CNDP1: variants seen among roughly 807,000 people sequenced by gnomAD.
The protein encoded by CNDP1 is carnosine dipeptidase 1.
CNDP1 carries 44 observed loss-of-function variants against 58.1 expected under a neutral mutation model. The observed-to-expected ratio is 0.76, with a 90% CI of 0.60 to 0.97. The LOEUF (loss-of-function observed/expected upper bound fraction) is 0.97, where lower values mean the gene tolerates loss of function less well. CNDP1 is among the 50% of genes least tolerant of loss of function. The pLI is 0.00. For missense variants in CNDP1, 616 were observed against 655.1 expected (o/e 0.94, Z 0.65); for synonymous variants, 254 against 252.6 (o/e 1.01, Z -0.05).
At chr18:74,535,530 C>G (rs1249834503) in intron 1 of CNDP1, among the ~76,000 whole-genome samples, 2 of 149,700 alleles carry the variant, frequency 1.3e-5, no homozygotes, top group African/African-American at 5.0e-5. Context: ...AATCACTGCT[C>G]TGAGAGAAAG....
rs147117351 is a variant in CNDP1 at position 74,556,404 on chromosome 18, C to A, written c.91C>A (p.Pro31Thr). 346 of 1,614,098 alleles carry A rather than the reference C, an allele frequency of 2.1e-4. 2 individuals carry two copies. In the South Asian group the frequency reaches 3.5e-3, roughly 16 times the overall value. The change falls in exon 2 of 12, where the codon CCC (proline) becomes ACC (threonine). Residue 31 changes from proline (P) to threonine (T), a missense_variant. Transcript: ENST00000358821. ...CGGCATGTTCTCCTCACCCTCCCCGCCCCCGGCGCTGTTAGAGAAAGTCTT... is the reference window on the plus strand; with the variant it reads ...CGGCATGTTCTCCTCACCCTCCCCGACCCCGGCGCTGTTAGAGAAAGTCTT... ...ERGMFSSPSP[P>T]PALLEKVFQY...
intron 1 of CNDP1, among the ~76,000 whole-genome samples, chr18:74,541,435 A>G (rs1980622059): frequency 6.6e-6 from 1 of 152,116 alleles, no homozygotes; most frequent in Admixed American, 6.6e-5. Context: ...AGCTGATGGT[A>G]TCTGGAGGGT....
intron 1 of CNDP1, among the ~76,000 whole-genome samples, chr18:74,539,600 C>T (rs1980566541): frequency 6.6e-6 from 1 of 152,176 alleles, no homozygotes; most frequent in Admixed American, 6.5e-5. Context: ...TGCACATGGG[C>T]CCCCAAGCAC....
intron 7 of CNDP1, among the ~76,000 whole-genome samples, chr18:74,572,092 A>G (rs552405068): frequency 3.4e-4 from 51 of 152,234 alleles, no homozygotes; most frequent in African/African-American, 1.2e-3. Flanking sequence ...TGTCAGCACC[A>G]CTTGGCTTCA....
intron 5 of CNDP1, among the ~76,000 whole-genome samples, chr18:74,564,199 T>A (rs1363172995): frequency 6.6e-6 from 1 of 152,240 alleles, no homozygotes; most frequent in Non-Finnish European, 1.5e-5. Flanking sequence ...GATTACAGTG[T>A]GTGCGGTGTC....
At chr18:74,559,256 C>CCTTCG in intron 2 of CNDP1, 67 bp from the exon 3 acceptor site, 1 of 1,547,858 alleles carries the variant, frequency 6.5e-7, no homozygotes, top group South Asian at 1.1e-5. Context: ...TCCTGCCCTC[C>CCTTCG]CTTCGCTCCC....
intron 7 of CNDP1, among the ~76,000 whole-genome samples, chr18:74,572,678 T>C (rs777314714): frequency 6.0e-5 from 9 of 151,004 alleles, no homozygotes; most frequent in Non-Finnish European, 1.0e-4. Flanking sequence ...GTCCCAGCTA[T>C]TTAAGGGGCT....
chr18:74,561,106 G>A, intron 4 of CNDP1, 88 bp downstream of exon 4: 1 of 1,499,768 alleles, frequency 6.7e-7, no homozygotes, highest in Non-Finnish European at 9.0e-7. Context: ...TGGGTTTTGG[G>A]TCTCTCCCTG....
chr18:74,555,323 C>A (rs1209744750), intron 1 of CNDP1, among the ~76,000 whole-genome samples: 1 of 152,122 alleles, frequency 6.6e-6, no homozygotes, highest in African/African-American at 2.4e-5. Flanking sequence ...TAGCCAAGAA[C>A]CTGACGTAGG....
rs1329112375 is a variant in CNDP1, at chr18:74,551,315, A to G, written c.25-5023A>G. On this transcript the variant is annotated intron_variant, in intron 1 of 11. Coordinates refer to ENST00000358821, the MANE Select transcript of CNDP1 (RefSeq NM_032649.6). ...ACAGGCATTTCTTTATAGCAATACA[A>G]GAATAGCCTAATACAGATAACTAGT... Among the ~76,000 whole-genome samples, 4 of 151,758 alleles carry G rather than the reference A, an allele frequency of 2.6e-5. No individual in the cohort carries two copies. In the East Asian group the frequency reaches 7.7e-4, roughly 29 times the overall value.
At chr18:74,539,821 T>C (rs1980573886) in intron 1 of CNDP1, among the ~76,000 whole-genome samples, 1 of 152,144 alleles carries the variant, frequency 6.6e-6, no homozygotes, top group African/African-American at 2.4e-5. Context: ...TATCAGCCAG[T>C]TCCAACAATT....
chr18:74,581,902 C>A (rs1027547723), intron 10 of CNDP1, among the ~76,000 whole-genome samples: 1 of 152,184 alleles, frequency 6.6e-6, no homozygotes, highest in Non-Finnish European at 1.5e-5. Flanking sequence ...AGGCCTGAGG[C>A]CACATTGGCT....
At chr18:74,582,575 C>T (rs950769356) in intron 10 of CNDP1, among the ~76,000 whole-genome samples, 1 of 152,066 alleles carries the variant, frequency 6.6e-6, no homozygotes, top group African/African-American at 2.4e-5. Context: ...TTGTGTCGTG[C>T]CAAAAATGCA....
Position 74,586,053 on chromosome 18 carries a change from A to G in CNDP1, c.*1491A>G, listed in dbSNP as rs970905152. ...CATTTGCGTTCAACTTTTTTCCATC[A>G]CTCTGTTGGTTCTTGAGATGTCAGT... is the stretch of plus-strand genomic sequence containing the variant. On this transcript the variant is annotated 3_prime_UTR_variant, in exon 12 of 12. Coordinates refer to ENST00000358821, the MANE Select transcript of CNDP1 (RefSeq NM_032649.6). The G allele has an allele frequency of 1.0e-4, 15 of 149,348 alleles. No homozygotes were observed. Among genetic ancestry groups the G allele is most frequent in the African/African-American group, 3.7e-4 (15 of 40,468 alleles). The allele number at this position is 149,348 out of a possible 1,614,324, so 9.3% of individuals were successfully genotyped here.
At chr18:74,576,778 C>A in intron 7 of CNDP1, 91 bp from the exon 8 acceptor site, 1 of 1,247,058 alleles carries the variant, frequency 8.0e-7, no homozygotes, top group Non-Finnish European at 1.1e-6. Context: ...CCTGCTGCAA[C>A]CCTGAAGAGT....
chr18:74,559,275 G>A (rs1981122886), intron 2 of CNDP1, 48 bp from the exon 3 acceptor site: 5 of 1,605,888 alleles, frequency 3.1e-6, no homozygotes, highest in Non-Finnish European at 4.3e-6. Context: ...CCCCCGCAGA[G>A]CAGATGTGGG....
intron 6 of CNDP1, among the ~76,000 whole-genome samples, chr18:74,570,730 G>A (rs1179730653): frequency 6.6e-6 from 1 of 152,202 alleles, no homozygotes; most frequent in Non-Finnish European, 1.5e-5. Flanking sequence ...AGAGGTGGAG[G>A]AAGAAGAGAT....
In CNDP1 at chr18:74,577,371, C is replaced by T. The variant is rs772000555; in HGVS notation, c.1002+342C>T. 109 of 174,900 alleles carry T rather than the reference C, an allele frequency of 6.2e-4. 3 individuals are homozygous for T. The highest frequency in any genetic ancestry group is 3.8e-4 in the Non-Finnish European group (32 of 83,540). 10.8% of individuals were successfully genotyped at this position (174,900 alleles called of 1,614,324 possible). A position where few individuals can be genotyped will look rare whatever the true frequency, so the allele number is the denominator to read the frequency against. ...TACCTTTTCAAAGACCAAGAAAAGT[C>T]TGAGATGATTCCAGCTCCAAGACCT... On this transcript the variant is annotated intron_variant, in intron 8 of 11. Transcript: ENST00000358821.
At chr18:74,584,382 A>G in intron 11 of CNDP1, 114 bp from the exon 12 acceptor site, 1 of 732,932 alleles carries the variant, frequency 1.4e-6, no homozygotes, top group Non-Finnish European at 2.4e-6. Flanking sequence ...TATGTTAAAT[A>G]ATTTAAATGG....
Sources: allele counts gnomAD v4.1 joint callset (sites outside exome capture counted in the v4.1 genomes callset), GRCh38; gene constraint gnomAD v4.1.1; transcripts MANE v1.5; gene names NCBI Gene and HGNC (gene_info 2026-07-23, HGNC 2026-07-21).